Variants in ZNF267 observed in about 807,000 individuals in gnomAD.
The protein encoded by ZNF267 is zinc finger protein 267.
In ZNF267, 61 loss-of-function variants were observed where a neutral mutation model predicts 71.6. The observed-to-expected ratio is 0.85, with a 90% CI of 0.69 to 1.05. The LOEUF (loss-of-function observed/expected upper bound fraction) is 1.05, where lower values mean the gene tolerates loss of function less well. Among genes scored for constraint, ZNF267 ranks in the 50% least tolerant of loss-of-function variants. ZNF267 has a pLI of 0.00. For missense variants in ZNF267, 852 were observed against 870.0 expected, an observed-to-expected ratio of 0.98 and a Z score of 0.26; for synonymous variants, 288 against 293.2, an observed-to-expected ratio of 0.98 and a Z score of 0.18.
intron 3 of ZNF267, among the ~76,000 whole-genome samples, chr16:31,910,310 T>C (rs2084126283): frequency 6.6e-6 from 1 of 151,686 alleles, no homozygotes; most frequent in African/African-American, 2.4e-5. Flanking sequence ...GTTTTGGAAG[T>C]TTTTGAGTAG....
chr16:31,898,439 A>G (rs1301525923), intron 3 of ZNF267, among the ~76,000 whole-genome samples: 3 of 151,924 alleles, frequency 2.0e-5, no homozygotes, highest in Admixed American at 6.6e-5. Context: ...TTTTTTATGT[A>G]CAAAGTAATT....
In ZNF267 at chr16:31,914,561, G is replaced by A. The variant is rs751800127; in HGVS notation, c.312G>A (p.Gly104=). 1 of 1,614,146 alleles carries A rather than the reference G, an allele frequency of 6.2e-7. No individual in the cohort carries two copies. Among genetic ancestry groups the A allele is most frequent in the Non-Finnish European group, 8.5e-7 (1 of 1,180,018 alleles). Residue 104 remains glycine, a synonymous_variant, in exon 4 of 4, where the codon GGG becomes GGA. Transcript: ENST00000300870. The part of the protein sequence containing the change: ...SFQKVISRRH[G]SCDLENLHLR... ...AAAAAGTGATATCGAGGAGACATGG[G>A]AGCTGTGATCTTGAGAATTTACATT...
At chr16:31,880,470 C>G (rs2083882140) in intron 1 of ZNF267, among the ~76,000 whole-genome samples, 1 of 152,182 alleles carries the variant, frequency 6.6e-6, no homozygotes, top group South Asian at 2.1e-4. Flanking sequence ...AATAACATAT[C>G]TGGATCCTGG....
chr16:31,915,747 G>A lies in ZNF267; in HGVS notation c.1498G>A (p.Val500Ile), dbSNP rs2084170760. The stretch of plus-strand genomic sequence containing the variant: ...TTATAAATGTAAAGAATGTGGCAAA[G>A]TCTTTAGCCGTAGTTCTTGCCTTAC... The part of the protein sequence containing the change: ...KPYKCKECGK[V>I]FSRSSCLTQH... The change falls in exon 4 of 4, where the codon GTC (valine) becomes ATC (isoleucine). Residue 500 changes from valine to isoleucine, a missense_variant. Val to Ile is a conservative substitution (Grantham distance 29). Coordinates refer to ENST00000300870, the MANE Select transcript of ZNF267 (RefSeq NM_003414.6). 1.2e-6 allele frequency: 2 copies of A among 1,613,190 alleles called. No homozygotes were observed. Among genetic ancestry groups the A allele is most frequent in the Admixed American group, 1.7e-5 (1 of 59,962 alleles).
intron 1 of ZNF267, chr16:31,875,224 A>T (rs2083843837): frequency 1.6e-6 from 2 of 1,289,134 alleles, no homozygotes; most frequent in Non-Finnish European, 2.0e-6. Context: ...ATGACTCAAG[A>T]TGCCCACAGT....
chr16:31,877,703 C>T (rs1012071632), intron 1 of ZNF267, among the ~76,000 whole-genome samples: 4 of 152,116 alleles, frequency 2.6e-5, no homozygotes, highest in African/African-American at 4.8e-5. Context: ...GGAGCATCAT[C>T]GAAGTCATAA....
At chr16:31,911,824 T>C (rs1420999368) in intron 3 of ZNF267, 2 of 151,618 alleles carry the variant, frequency 1.3e-5, no homozygotes, top group African/African-American at 4.9e-5. Context: ...GTCTGTTGTA[T>C]GTTTTTTTAT....
intron 3 of ZNF267, 53 bp downstream of exon 3, chr16:31,885,309 G>C: frequency 6.6e-7 from 1 of 1,505,648 alleles, no homozygotes; most frequent in Non-Finnish European, 9.0e-7. Context: ...CAGAAGTCAA[G>C]AAAGAACCAG....
At chr16:31,914,315 A>T in intron 3 of ZNF267, 161 bp from the exon 4 acceptor site, 2 of 622,536 alleles carry the variant, frequency 3.2e-6, no homozygotes, top group Non-Finnish European at 5.2e-6. Context: ...GTGCCACTTT[A>T]TTGTAGTAAA....
At position 31,917,277 on chromosome 16, in the gene ZNF267, G is replaced by A. The variant is rs892463455; in HGVS notation, c.*796G>A. 6.6e-6 allele frequency: 1 copy of A among 150,492 alleles called. No homozygotes were observed. The highest frequency in any genetic ancestry group is 2.5e-5 in the African/African-American group (1 of 40,810). The allele number at this position is 150,492 out of a possible 1,614,324, so 9.3% of individuals were successfully genotyped here. A position where few individuals can be genotyped will look rare whatever the true frequency, so the allele number is the denominator to read the frequency against. On this transcript the variant is annotated 3_prime_UTR_variant, in exon 4 of 4. Coordinates refer to ENST00000300870, the MANE Select transcript of ZNF267 (RefSeq NM_003414.6). The stretch of plus-strand genomic sequence containing the variant: ...AAATTTTTAAAAATATGCTCTTTGT[G>A]TTTGAATAAAGTAGTAATGCATGTA...
At chr16:31,914,161 G>T (rs1478044064) in intron 3 of ZNF267, 1 of 251,318 alleles carries the variant, frequency 4.0e-6, no homozygotes, top group Non-Finnish European at 7.6e-6. Flanking sequence ...GGGCAGCACT[G>T]GGTTCATTGT....
chr16:31,893,422 C>T (rs2083974932), intron 3 of ZNF267, among the ~76,000 whole-genome samples: 2 of 152,252 alleles, frequency 1.3e-5, no homozygotes, highest in African/African-American at 4.8e-5. Flanking sequence ...TGGTGATTAA[C>T]ATTCGGCTCT....
chr16:31,885,210 A>G lies in ZNF267; in HGVS notation c.180A>G (p.Lys60=), dbSNP rs1359911213. 6.2e-7 allele frequency: 1 copy of G among 1,610,708 alleles called. No homozygotes were observed. The highest frequency in any genetic ancestry group is 1.7e-5 in the Admixed American group (1 of 59,968). ...TGATCACCTTTTTGGAACAAAGGAA[A>G]GAGCCTTGGAATGTGAAGAGTGAGG... is the stretch of plus-strand genomic sequence containing the variant. ...PDLITFLEQR[K]EPWNVKSEET... Residue 60 remains lysine (K), a synonymous_variant, in exon 3 of 4, where the codon AAA becomes AAG. Transcript: ENST00000300870.
intron 3 of ZNF267, among the ~76,000 whole-genome samples, chr16:31,911,368 T>A (rs1310738485): frequency 1.3e-5 from 2 of 151,682 alleles, no homozygotes; most frequent in East Asian, 3.8e-4. Context: ...CATGGATATT[T>A]AAAATTGTTA....
At chr16:31,877,802 C>G (rs2142328417) in intron 1 of ZNF267, among the ~76,000 whole-genome samples, 1 of 152,044 alleles carries the variant, frequency 6.6e-6, no homozygotes, top group South Asian at 2.1e-4. Context: ...GTTACTGTTC[C>G]TATTTTTTCC....
At chr16:31,894,831 G>A (rs1003158585) in intron 3 of ZNF267, 6 of 473,070 alleles carry the variant, frequency 1.3e-5, no homozygotes, top group East Asian at 5.7e-5. Context: ...AGTAAGTGCC[G>A]TGAACTCCTG....
chr16:31,915,562 G>T lies in ZNF267; in HGVS notation c.1313G>T (p.Cys438Phe). Residue 438 changes from cysteine (C) to phenylalanine (F), a missense_variant, in exon 4 of 4, where the codon TGT becomes TTT. Transcript: ENST00000300870. ...CATACTGGAGAGAAACCTTATAAATGTAAAGAATGTGGAAAAGCTTTTAAC... is the reference window on the plus strand; with the variant it reads ...CATACTGGAGAGAAACCTTATAAATTTAAAGAATGTGGAAAAGCTTTTAAC... ...RIHTGEKPYK[C>F]KECGKAFNRS... The T allele has an allele frequency of 6.2e-7, 1 of 1,613,168 alleles. No homozygotes were observed. The highest frequency in any genetic ancestry group is 1.7e-5 in the Admixed American group (1 of 59,926).
At chr16:31,903,112 C>T (rs2084055472) in intron 3 of ZNF267, among the ~76,000 whole-genome samples, 1 of 152,154 alleles carries the variant, frequency 6.6e-6, no homozygotes, top group South Asian at 2.1e-4. Context: ...TATTTTGAAC[C>T]AGCCTTGCAT....
intron 3 of ZNF267, among the ~76,000 whole-genome samples, chr16:31,906,899 C>T (rs2084095533): frequency 6.6e-6 from 1 of 152,002 alleles, no homozygotes; most frequent in African/African-American, 2.4e-5. Context: ...TGGAGCTGTT[C>T]CTATTGGCCA....
Sources: gnomAD v4.1 joint callset for allele counts (sites outside exome capture counted in the v4.1 genomes callset) on GRCh38, gnomAD v4.1.1 for gene constraint, MANE v1.5 for transcripts, NCBI Gene and HGNC (gene_info 2026-07-23, HGNC 2026-07-21) for gene names.